AGBL3: variants seen among roughly 807,000 people sequenced by gnomAD.
The protein encoded by AGBL3 is AGBL carboxypeptidase 3.
A neutral mutation model predicts 94.5 loss-of-function variants in AGBL3; 68 were observed. The ratio of observed to expected loss-of-function variants is 0.72; its 90% CI spans 0.59 to 0.88. The LOEUF (loss-of-function observed/expected upper bound fraction) is 0.88, where lower values mean the gene tolerates loss of function less well. AGBL3 is among the 40% of genes least tolerant of loss of function. AGBL3 has a pLI of 0.00. For synonymous variants in AGBL3, 354 were observed against 370.7 expected, an observed-to-expected ratio of 0.95 and a Z score of 0.52; for missense variants, 934 against 1,103.8, an observed-to-expected ratio of 0.85 and a Z score of 2.18.
chr7:135,097,011 G>C (rs1822998266), intron 15 of AGBL3, among the ~76,000 whole-genome samples: 1 of 152,178 alleles, frequency 6.6e-6, no homozygotes, highest in Non-Finnish European at 1.5e-5. Context: ...AATTGAAAGT[G>C]TTTTTATGAC....
chr7:135,124,039 T>C (rs1461027949), intron 16 of AGBL3, among the ~76,000 whole-genome samples: 1 of 152,096 alleles, frequency 6.6e-6, no homozygotes, highest in Non-Finnish European at 1.5e-5. Flanking sequence ...ATTGACACAT[T>C]ACAATACTAA....
intron 11 of AGBL3, among the ~76,000 whole-genome samples, chr7:135,049,749 T>A (rs974203796): frequency 6.6e-6 from 1 of 151,922 alleles, no homozygotes; most frequent in African/African-American, 2.4e-5. Flanking sequence ...TTCTGTAGTA[T>A]CAGCTATGAA....
At chr7:135,005,618 G>A (rs1256089206) in intron 4 of AGBL3, among the ~76,000 whole-genome samples, 2 of 151,700 alleles carry the variant, frequency 1.3e-5, no homozygotes, top group Admixed American at 1.3e-4. Flanking sequence ...AATTTATATG[G>A]AAAGGCTAAA....
At chr7:135,117,150 CT>C (rs1826438392) in intron 16 of AGBL3, among the ~76,000 whole-genome samples, 1 of 152,140 alleles carries the variant, frequency 6.6e-6, no homozygotes, top group Non-Finnish European at 1.5e-5. Flanking sequence ...TGAAAAATAT[CT>C]CCAATTATAT....
At chr7:135,051,064 A>G (rs1286646365) in intron 11 of AGBL3, 2 of 439,506 alleles carry the variant, frequency 4.6e-6, no homozygotes, top group Admixed American at 2.6e-5. Context: ...GCAGTATAAT[A>G]AAAGGTAATG....
chr7:135,022,505 T>C (rs1814617895), intron 5 of AGBL3, among the ~76,000 whole-genome samples: 1 of 151,596 alleles, frequency 6.6e-6, no homozygotes, highest in Non-Finnish European at 1.5e-5. Flanking sequence ...CACTTTTGGA[T>C]GGGTTTTTTT....
chr7:135,003,124 T>C (rs1563172234), intron 4 of AGBL3, among the ~76,000 whole-genome samples: 1 of 152,272 alleles, frequency 6.6e-6, no homozygotes, highest in East Asian at 1.9e-4. Flanking sequence ...AGTGTCCAAG[T>C]GTATTTTTTG....
At chr7:135,076,569 G>A (rs1297918674) in intron 13 of AGBL3, 101 bp downstream of exon 13, 16 of 913,312 alleles carry the variant, frequency 1.8e-5, no homozygotes, top group Non-Finnish European at 2.3e-5. Flanking sequence ...TTTTCCCCCA[G>A]GAGAAGTTAA....
chr7:135,063,374 T>G (rs973793947), intron 12 of AGBL3, among the ~76,000 whole-genome samples: 4 of 152,126 alleles, frequency 2.6e-5, no homozygotes, highest in Non-Finnish European at 4.4e-5. Context: ...TTCTTCTTTC[T>G]GCTAACTCCA....
At chr7:135,078,085 C>A (rs1413367572) in intron 13 of AGBL3, among the ~76,000 whole-genome samples, 1 of 152,164 alleles carries the variant, frequency 6.6e-6, no homozygotes, top group East Asian at 1.9e-4. Context: ...CCAGAGAGAA[C>A]TGGAGAAAGA....
intron 16 of AGBL3, among the ~76,000 whole-genome samples, chr7:135,123,903 T>C (rs1263473178): frequency 2.0e-5 from 3 of 151,904 alleles, no homozygotes; most frequent in Non-Finnish European, 4.4e-5. Context: ...GCACTAAATA[T>C]GAAAAACAAA....
intron 16 of AGBL3, among the ~76,000 whole-genome samples, chr7:135,116,731 C>A (rs1434150219): frequency 6.6e-6 from 1 of 152,184 alleles, no homozygotes; most frequent in Admixed American, 6.5e-5. Flanking sequence ...AGTGTAAGCC[C>A]CTCTGCCTCT....
At chr7:135,125,225 C>T (rs1007363289) in intron 16 of AGBL3, among the ~76,000 whole-genome samples, 1 of 152,052 alleles carries the variant, frequency 6.6e-6, no homozygotes, top group African/African-American at 2.4e-5. Context: ...CACCACTGAT[C>T]CCACAGAAAT....
chr7:135,050,909 G>A (rs920369991), intron 11 of AGBL3: 12 of 344,928 alleles, frequency 3.5e-5, no homozygotes, highest in African/African-American at 2.0e-4. Flanking sequence ...TTATACTTAA[G>A]GTCATTATTG....
chr7:135,007,746 G>A (rs1323845053), intron 4 of AGBL3, among the ~76,000 whole-genome samples: 2 of 151,880 alleles, frequency 1.3e-5, no homozygotes, highest in Admixed American at 6.6e-5. Flanking sequence ...AAATAATTTT[G>A]TACATAGAAA....
chr7:135,044,663 T>C (rs1817181824), intron 9 of AGBL3, among the ~76,000 whole-genome samples: 1 of 152,144 alleles, frequency 6.6e-6, no homozygotes. Context: ...ATGTATCAAC[T>C]TAAAGTGCTA....
intron 4 of AGBL3, chr7:135,011,134 A>G (rs189625533): frequency 5.3e-5 from 8 of 152,320 alleles, no homozygotes; most frequent in African/African-American, 1.9e-4. Context: ...ACCTATGCAT[A>G]TATGGTCATT....
At chr7:135,109,754 A>G (rs760309168) in intron 15 of AGBL3, among the ~76,000 whole-genome samples, 9 of 152,166 alleles carry the variant, frequency 5.9e-5, no homozygotes, top group Non-Finnish European at 1.2e-4. Context: ...CAGTCTGACC[A>G]CTTTTATGGA....
chr7:135,065,945 T>G (rs982193419), intron 12 of AGBL3, among the ~76,000 whole-genome samples: 7 of 152,016 alleles, frequency 4.6e-5, no homozygotes, highest in Admixed American at 4.6e-4. Context: ...CAGAATGAAA[T>G]TGGACCTTTA....
Sources: allele counts gnomAD v4.1 joint callset (sites outside exome capture counted in the v4.1 genomes callset), GRCh38; gene constraint gnomAD v4.1.1; transcripts MANE v1.5; gene names NCBI Gene and HGNC (gene_info 2026-07-23, HGNC 2026-07-21).